The following WWC1 variants were observed in gnomAD, a reference collection of about 807,000 sequenced individuals.
WWC1 encodes WW and C2 domain containing 1, also known as protein KIBRA.
WWC1 carries 55 observed loss-of-function variants against 138.4 expected under a neutral mutation model. The observed-to-expected ratio is 0.40, with a 90% CI of 0.32 to 0.50. The LOEUF is 0.50. Among genes scored for constraint, WWC1 ranks in the 20% least tolerant of loss-of-function variants. The probability of loss-of-function intolerance (pLI) is 0.72; values close to 1 mark genes in which losing one functional copy is unlikely to be tolerated. For synonymous variants in WWC1, 524 were observed against 564.9 expected (o/e 0.93, Z 1.03); for missense variants, 1,226 against 1,420.4 (o/e 0.86, Z 2.20).
intron 16 of WWC1, among the ~76,000 whole-genome samples, chr5:168,443,648 G>T (rs535499440): frequency 6.6e-6 from 1 of 152,328 alleles, no homozygotes; most frequent in African/African-American, 2.4e-5. Context: ...TGGTTGTAAA[G>T]ATTAAATAAG....
At chr5:168,425,377 C>T (rs1408299127) in intron 11 of WWC1, among the ~76,000 whole-genome samples, 1 of 152,028 alleles carries the variant, frequency 6.6e-6, no homozygotes, top group Non-Finnish European at 1.5e-5. Context: ...AAATAGCTCA[C>T]AATAATCATA....
chr5:168,372,923 G>C (rs1331404372), intron 2 of WWC1, among the ~76,000 whole-genome samples: 1 of 152,214 alleles, frequency 6.6e-6, no homozygotes, highest in East Asian at 1.9e-4. Context: ...AATAGAAAAG[G>C]GCATACGTGC....
chr5:168,418,061 T>A (rs1011733157), intron 9 of WWC1, among the ~76,000 whole-genome samples: 1 of 152,162 alleles, frequency 6.6e-6, no homozygotes, highest in South Asian at 2.1e-4. Flanking sequence ...TCTCTCTGTC[T>A]CCCCTCGCTC....
chr5:168,446,816 AG>A (rs1330588492), intron 17 of WWC1, among the ~76,000 whole-genome samples: 3 of 152,244 alleles, frequency 2.0e-5, no homozygotes, highest in African/African-American at 7.2e-5. Context: ...AATCATTGTT[AG>A]GAAAAAGAGA....
chr5:168,423,820 T>G lies in WWC1; in HGVS notation c.1562T>G (p.Leu521Arg), dbSNP rs1279932312. 6.2e-7 allele frequency: 1 copy of G among 1,614,176 alleles called. No homozygotes were observed. Among genetic ancestry groups the G allele is most frequent in the South Asian group, 1.1e-5 (1 of 91,082 alleles). ...KAEGGGRLQALRSLSGTPKSM... is the reference protein window; with the variant it reads ...KAEGGGRLQARRSLSGTPKSM... ...GAGGGAGGTGGCCGCCTGCAGGCTC[T>G]GCGTTCCCTGTCTGGCACCCCAAAG... Residue 521 changes from leucine (L) to arginine (R), a missense_variant, in exon 11 of 23, where the codon CTG becomes CGG. By Grantham distance (102) the Leu-to-Arg change is moderately radical. Transcript: ENST00000265293.
At chr5:168,326,172 A>G (rs1240249690) in intron 1 of WWC1, among the ~76,000 whole-genome samples, 4 of 151,314 alleles carry the variant, frequency 2.6e-5, no homozygotes, top group African/African-American at 9.7e-5. Context: ...AATAAGGCGT[A>G]AATGGGGATA....
intron 3 of WWC1, 124 bp from the exon 4 acceptor site, chr5:168,397,600 T>A: frequency 1.1e-6 from 1 of 925,068 alleles, no homozygotes; most frequent in Non-Finnish European, 1.7e-6. Context: ...TCCCCCTTTG[T>A]TGAACATTTA....
At chr5:168,408,427 A>C (rs1779970884) in intron 6 of WWC1, 80 bp from the exon 7 acceptor site, 2 of 1,520,240 alleles carry the variant, frequency 1.3e-6, no homozygotes, top group African/African-American at 1.4e-5. Context: ...GAGGGTAGAG[A>C]GGGAAGCACA....
intron 1 of WWC1, among the ~76,000 whole-genome samples, chr5:168,336,248 A>C (rs554646496): frequency 2.1e-3 from 321 of 152,272 alleles, no homozygotes; most frequent in African/African-American, 7.2e-3. Context: ...TGGGTCCAGC[A>C]GAAGAGCCAA....
At chr5:168,366,802 C>CTTTTTTTT (rs202012790) in intron 1 of WWC1, among the ~76,000 whole-genome samples, 30 of 100,570 alleles carry the variant, frequency 3.0e-4, no homozygotes, top group East Asian at 5.9e-4. Flanking sequence ...CTTTGAAACA[C>CTTTTTTTT]TTTTTTTTTT....
chr5:168,292,420 A>C lies in WWC1; in HGVS notation c.119+149A>C. 2.2e-6 allele frequency: 2 copies of C among 918,678 alleles called. No homozygotes were observed. Among genetic ancestry groups the C allele is most frequent in the Non-Finnish European group, 3.2e-6 (2 of 633,022 alleles). The allele number at this position is 918,678 out of a possible 1,614,324, so 56.9% of individuals were successfully genotyped here. On this transcript the variant is annotated intron_variant, in intron 1 of 22. Coordinates refer to ENST00000265293, the MANE Select transcript of WWC1 (RefSeq NM_015238.3). The surrounding 1 kb of genome is among the most constrained non-coding windows in gnomAD (Gnocchi z 4.4). ...AGTTCGCCACCCCCTGCTCCCCCCA[A>C]CCTTCTGGAGCGCTGCTCCCGCCTC...
At chr5:168,349,480 C>A (rs1774754135) in intron 1 of WWC1, among the ~76,000 whole-genome samples, 1 of 152,242 alleles carries the variant, frequency 6.6e-6, no homozygotes, top group East Asian at 1.9e-4. Flanking sequence ...TCCAGGGCCT[C>A]ATCCTGGCCA....
At chr5:168,454,243 T>A (rs1756101877) in intron 18 of WWC1, 143 bp downstream of exon 18, 1 of 1,284,200 alleles carries the variant, frequency 7.8e-7, no homozygotes, top group Admixed American at 2.4e-5. Context: ...GGCCTTTGGG[T>A]CATTCTGGTG....
intron 1 of WWC1, among the ~76,000 whole-genome samples, chr5:168,302,165 T>C (rs984897633): frequency 1.3e-5 from 2 of 152,228 alleles, no homozygotes; most frequent in African/African-American, 2.4e-5. Flanking sequence ...TTTGATATCA[T>C]GTCCCCTCAC....
rs1769126058 is a variant in WWC1 at position 168,292,356 on chromosome 5, G to C, written c.119+85G>C. Reference sequence around the variant, plus strand: ...CTGGAGCCGCCGGCCGGGACTGGGAGGGGGCAGGGGAGCTCTGCGTGCCTC... The same window carrying C: ...CTGGAGCCGCCGGCCGGGACTGGGACGGGGCAGGGGAGCTCTGCGTGCCTC... On this transcript the variant is annotated intron_variant, in intron 1 of 22. Transcript: ENST00000265293. This position sits in a 1 kb window ranked among gnomAD's most constrained non-coding sequence, Gnocchi z 4.4. 6.8e-7 allele frequency: 1 copy of C among 1,476,182 alleles called. No individual in the cohort carries two copies. Among genetic ancestry groups the C allele is most frequent in the African/African-American group, 1.4e-5 (1 of 69,550 alleles). The allele number at this position is 1,476,182 out of a possible 1,614,324, so 91.4% of individuals were successfully genotyped here. A position where few individuals can be genotyped will look rare whatever the true frequency, so the allele number is the denominator to read the frequency against.
At chr5:168,309,313 C>T (rs1018027872) in intron 1 of WWC1, among the ~76,000 whole-genome samples, 18 of 152,312 alleles carry the variant, frequency 1.2e-4, no homozygotes, top group African/African-American at 3.6e-4. Flanking sequence ...ACAAGCACCG[C>T]AAACAACAAA....
intron 2 of WWC1, among the ~76,000 whole-genome samples, chr5:168,374,294 A>G (rs954542771): frequency 3.9e-5 from 6 of 152,164 alleles, no homozygotes; most frequent in Non-Finnish European, 7.3e-5. Flanking sequence ...CAGTACACAG[A>G]AAAAAGGAGC....
intron 1 of WWC1, among the ~76,000 whole-genome samples, chr5:168,328,286 G>C (rs1258361382): frequency 6.6e-6 from 1 of 152,196 alleles, no homozygotes; most frequent in Non-Finnish European, 1.5e-5. Context: ...GCAGGGGCTA[G>C]AACAGAATGG....
At chr5:168,302,507 CAGT>C (rs1181538638) in intron 1 of WWC1, among the ~76,000 whole-genome samples, 1 of 152,116 alleles carries the variant, frequency 6.6e-6, no homozygotes, top group East Asian at 1.9e-4. Context: ...CACCTGTCGA[CAGT>C]GGTGGTGCGG....
Sources: allele counts gnomAD v4.1 joint callset (sites outside exome capture counted in the v4.1 genomes callset), GRCh38; gene constraint gnomAD v4.1.1; non-coding constraint Gnocchi (gnomAD v3.1); transcripts MANE v1.5; gene names NCBI Gene and HGNC (gene_info 2026-07-23, HGNC 2026-07-21).